Variants in ACSL1 observed in about 807,000 individuals in gnomAD.
The protein encoded by ACSL1 is acyl-CoA synthetase long chain family member 1.
In ACSL1, 41 loss-of-function variants were observed where a neutral mutation model predicts 98.4. That is an observed-to-expected ratio of 0.42 (90% confidence interval 0.32 to 0.54). The LOEUF is 0.54. Ranked by LOEUF, ACSL1 falls within the 20% of genes least tolerant of loss-of-function variation. The pLI is 0.13. For synonymous variants in ACSL1, 316 were observed against 322.7 expected (o/e 0.98, Z 0.22); for missense variants, 734 against 883.1 (o/e 0.83, Z 2.14).
intron 5 of ACSL1, among the ~76,000 whole-genome samples, chr4:184,778,408 G>T (rs539302125): frequency 2.0e-5 from 3 of 152,176 alleles, no homozygotes; most frequent in Admixed American, 2.0e-4. Flanking sequence ...CACATGTGAC[G>T]CATGAGGAAG....
At chr4:184,792,028 A>G (rs1482479433) in intron 2 of ACSL1, among the ~76,000 whole-genome samples, 1 of 152,186 alleles carries the variant, frequency 6.6e-6, no homozygotes, top group Non-Finnish European at 1.5e-5. Flanking sequence ...ACAAACTTTT[A>G]GCTAAATAAT....
At chr4:184,786,674 A>G (rs192408866) in intron 3 of ACSL1, among the ~76,000 whole-genome samples, 83 of 151,652 alleles carry the variant, frequency 5.5e-4, no homozygotes, top group Non-Finnish European at 1.0e-3. Flanking sequence ...GTGTCAAGTA[A>G]AAAACAATAG....
intron 1 of ACSL1, among the ~76,000 whole-genome samples, chr4:184,805,127 T>G (rs891020303): frequency 1.3e-5 from 2 of 152,148 alleles, no homozygotes; most frequent in Admixed American, 6.5e-5. Context: ...CAGACACTTC[T>G]CAAAAGAAGA....
In ACSL1 at chr4:184,762,974, G is replaced by T. The variant is rs561917187; in HGVS notation, c.1521+193C>A. On this transcript the variant is annotated intron_variant, in intron 16 of 20. Coordinates refer to ENST00000281455, the MANE Select transcript of ACSL1 (RefSeq NM_001995.5). ...GCCTGGCAGAGGAAGACAGGCATCA[G>T]TGTCCCTCCTGCCCACTCCCCGAGA... 9.2e-5 allele frequency among the ~76,000 whole-genome samples: 14 copies of T among 152,286 alleles called. No individual in the cohort carries two copies. The South Asian group carries it at 2.9e-3, about 32-fold the overall frequency.
At chr4:184,777,058 A>T in intron 5 of ACSL1, 75 bp from the exon 6 acceptor site, 2 of 1,314,362 alleles carry the variant, frequency 1.5e-6, no homozygotes, top group Non-Finnish European at 1.1e-6. Context: ...AATACTCAAG[A>T]GAGATTCAAA....
intron 1 of ACSL1, among the ~76,000 whole-genome samples, chr4:184,818,930 G>A (rs905154696): frequency 1.3e-5 from 2 of 152,074 alleles, no homozygotes; most frequent in African/African-American, 4.8e-5. Flanking sequence ...GGGGGCACTT[G>A]GGTAGCAGCT....
At chr4:184,819,554 A>G (rs1254791302) in intron 1 of ACSL1, among the ~76,000 whole-genome samples, 1 of 152,112 alleles carries the variant, frequency 6.6e-6, no homozygotes, top group Non-Finnish European at 1.5e-5. Flanking sequence ...ACCAGGACAC[A>G]GGAAGGTCAG....
Position 184,773,540 on chromosome 4 carries a change from A to G in ACSL1, c.841+123T>C. 1 of 902,746 alleles carries G rather than the reference A, an allele frequency of 1.1e-6. No individual in the cohort carries two copies. Among genetic ancestry groups the G allele is most frequent in the Non-Finnish European group, 1.7e-6 (1 of 592,126 alleles). The allele number at this position is 902,746 out of a possible 1,614,324, so 55.9% of individuals were successfully genotyped here. A position where few individuals can be genotyped will look rare whatever the true frequency, so the allele number is the denominator to read the frequency against. On this transcript the variant is annotated intron_variant, in intron 9 of 20. Transcript: ENST00000281455. The surrounding 1 kb of genome is among the most constrained non-coding windows in gnomAD (Gnocchi z 4.3). Reference sequence around the variant, plus strand: ...AGAGCAACAAGAAGACAGCACTTGAACCGCTTCCTTCTCTTCTGCTTTTGG... The same window carrying G: ...AGAGCAACAAGAAGACAGCACTTGAGCCGCTTCCTTCTCTTCTGCTTTTGG...
At chr4:184,772,945 T>C in intron 10 of ACSL1, 136 bp downstream of exon 10, 1 of 716,436 alleles carries the variant, frequency 1.4e-6, no homozygotes, top group Non-Finnish European at 2.3e-6. Flanking sequence ...GGGCCTAAAG[T>C]TCTGACCTTA....
chr4:184,766,029 T>C lies in ACSL1; in HGVS notation c.1264-43A>G, dbSNP rs1763547299. ...TGGGAGAAGGTGAGGGTTACACACC[T>C]GGAAGTCGGCGGCCTCTCCGCCAAG... On this transcript the variant is annotated intron_variant, in intron 13 of 20. Transcript: ENST00000281455. This position sits in a 1 kb window ranked among gnomAD's most constrained non-coding sequence, Gnocchi z 4.8. 1.9e-6 allele frequency: 3 copies of C among 1,597,900 alleles called. No homozygotes were observed. The highest frequency in any genetic ancestry group is 2.6e-6 in the Non-Finnish European group (3 of 1,168,102).
intron 3 of ACSL1, 77 bp downstream of exon 3, chr4:184,788,540 T>C (rs1561214003): frequency 8.7e-7 from 1 of 1,148,444 alleles, no homozygotes; most frequent in East Asian, 2.3e-5. Context: ...TAGGAGCAAA[T>C]GTGCATTTCT....
chr4:184,812,601 T>C (rs1772233113), intron 1 of ACSL1, among the ~76,000 whole-genome samples: 1 of 152,170 alleles, frequency 6.6e-6, no homozygotes, highest in Admixed American at 6.6e-5. Flanking sequence ...TTTATATTTC[T>C]CAAATTGTTT....
chr4:184,760,324 T>G, intron 18 of ACSL1, 33 bp downstream of exon 18: 1 of 1,612,164 alleles, frequency 6.2e-7, no homozygotes, highest in Non-Finnish European at 8.5e-7. Flanking sequence ...GCAATGTGTA[T>G]GCAGCAAGAT....
intron 1 of ACSL1, among the ~76,000 whole-genome samples, chr4:184,811,709 G>A (rs754813083): frequency 1.4e-4 from 22 of 152,098 alleles, no homozygotes; most frequent in South Asian, 2.1e-4. Flanking sequence ...TCGGGATGAC[G>A]AAACATTCTG....
rs771970470 is a variant in ACSL1 at position 184,768,421 on chromosome 4, G to T, written c.1023C>A (p.Ile341=). The part of the protein sequence containing the change: ...ECVMLCHGAK[I]GFFQGDIRLL... ...GCCTGATATCTCCTTGGAAAAATCC[G>T]ATTTTAGCTCCATGACACAGCATTA... Residue 341 remains isoleucine, a synonymous_variant, in exon 12 of 21, where the codon ATC becomes ATA. Transcript: ENST00000281455. The T allele has an allele frequency of 6.2e-7, 1 of 1,613,572 alleles. No individual in the cohort carries two copies. Among genetic ancestry groups the T allele is most frequent in the African/African-American group, 1.3e-5 (1 of 74,842 alleles).
At chr4:184,822,832 T>C (rs1380859090) in intron 1 of ACSL1, among the ~76,000 whole-genome samples, 1 of 152,208 alleles carries the variant, frequency 6.6e-6, no homozygotes, top group Non-Finnish European at 1.5e-5. Flanking sequence ...CTTGCCATTA[T>C]ATACAACCCA....
In ACSL1 at chr4:184,801,836, C is replaced by T. The variant is rs558912672; in HGVS notation, c.195+1484G>A. Among the ~76,000 whole-genome samples the T allele has an allele frequency of 2.6e-5, 4 of 152,326 alleles. No homozygotes were observed. The South Asian group carries it at 8.3e-4, about 32-fold the overall frequency. ...GTAATTATTTTAACAAGGCACAATG[C>T]CTTTATGCTAAGCTAAAGCTTTAAA... On this transcript the variant is annotated intron_variant, in intron 2 of 20. Transcript: ENST00000281455.
At chr4:184,822,475 C>T (rs1456571462) in intron 1 of ACSL1, among the ~76,000 whole-genome samples, 4 of 152,146 alleles carry the variant, frequency 2.6e-5, no homozygotes, top group South Asian at 2.1e-4. Flanking sequence ...CAGTGGCTCA[C>T]GCCTGTAATC....
At position 184,806,212 on chromosome 4, in the gene ACSL1, C is replaced by T. The variant is rs1771402997; in HGVS notation, c.-32-2666G>A. ...CTGCAAGGCACGGGGGAAGGCCTTT[C>T]TGAGGAAGGGATGTACACCAGGCGG... On this transcript the variant is annotated intron_variant, in intron 1 of 20. Transcript: ENST00000281455. Among the ~76,000 whole-genome samples, 6 of 152,282 alleles carry T rather than the reference C, an allele frequency of 3.9e-5. No homozygotes were observed. The South Asian group carries it at 8.3e-4, about 21-fold the overall frequency.
Sources: gnomAD v4.1 joint callset for allele counts (sites outside exome capture counted in the v4.1 genomes callset) on GRCh38, gnomAD v4.1.1 for gene constraint, Gnocchi (gnomAD v3.1) non-coding constraint, MANE v1.5 for transcripts, NCBI Gene and HGNC (gene_info 2026-07-23, HGNC 2026-07-21) for gene names.